RPA1: variants seen among roughly 807,000 people sequenced by gnomAD.
RPA1 encodes replication protein A 70 kDa DNA-binding subunit.
Under a neutral mutation model 83.0 loss-of-function variants are expected in RPA1, and 49 were observed. The ratio of observed to expected loss-of-function variants is 0.59; its 90% CI spans 0.47 to 0.75. RPA1 has a LOEUF of 0.75. RPA1 is among the 30% of genes least tolerant of loss of function. The pLI is 0.00. For synonymous variants in RPA1, 279 were observed against 281.8 expected (o/e 0.99, Z 0.10); for missense variants, 693 against 776.1 (o/e 0.89, Z 1.27).
intron 1 of RPA1, among the ~76,000 whole-genome samples, chr17:1,835,867 ACT>A (rs1886770655): frequency 6.6e-6 from 1 of 152,080 alleles, no homozygotes; most frequent in Non-Finnish European, 1.5e-5. Context: ...TCACATGTGT[ACT>A]CTCAGCACTT....
chr17:1,836,350 T>C (rs1911821773), intron 1 of RPA1, among the ~76,000 whole-genome samples: 1 of 152,056 alleles, frequency 6.6e-6, no homozygotes, highest in Non-Finnish European at 1.5e-5. Flanking sequence ...CCTCAGATGC[T>C]CCTCCTGCCT....
Position 1,877,329 on chromosome 17 carries a change from T to C in RPA1, c.690+15T>C, listed in dbSNP as rs745448338. 7 of 1,611,196 alleles carry C rather than the reference T, an allele frequency of 4.3e-6. No individual in the cohort carries two copies. The highest frequency in any genetic ancestry group is 5.9e-6 in the Non-Finnish European group (7 of 1,177,682). On this transcript the variant is annotated intron_variant, in intron 8 of 16. Transcript: ENST00000254719. ...TTGACGAAAGTGTGAGTGTTTGTCA[T>C]GCTGGGGAGTGAGGGCAGTGGGCTC... is the stretch of plus-strand genomic sequence containing the variant.
intron 4 of RPA1, among the ~76,000 whole-genome samples, chr17:1,846,286 A>G (rs1471612123): frequency 1.3e-5 from 1 of 77,488 alleles, no homozygotes. Context: ...GCCTGGTTTG[A>G]TTTCTTCCCT....
At chr17:1,853,462 C>T (rs551620196) in intron 5 of RPA1, among the ~76,000 whole-genome samples, 1 of 152,294 alleles carries the variant, frequency 6.6e-6, no homozygotes, top group East Asian at 1.9e-4. Context: ...GCAGGTAGAT[C>T]ACTTGACGTC....
chr17:1,842,712 T>C (rs1912099477), intron 1 of RPA1, 91 bp from the exon 2 acceptor site: 2 of 1,122,532 alleles, frequency 1.8e-6, no homozygotes, highest in Non-Finnish European at 2.7e-6. Context: ...AACAATCTTA[T>C]CTATATATTC....
intron 13 of RPA1, among the ~76,000 whole-genome samples, chr17:1,887,079 C>A (rs547925674): frequency 6.6e-6 from 1 of 152,222 alleles, no homozygotes; most frequent in East Asian, 1.9e-4. Flanking sequence ...CTATCTAGAC[C>A]ACTACAGCTT....
chr17:1,886,533 G>A (rs896192271), intron 13 of RPA1, among the ~76,000 whole-genome samples: 23 of 152,176 alleles, frequency 1.5e-4, no homozygotes, highest in African/African-American at 5.6e-4. Flanking sequence ...TTGAAAATCT[G>A]TTGTTGAGTG....
At chr17:1,838,463 C>T (rs889547735) in intron 1 of RPA1, among the ~76,000 whole-genome samples, 64 of 151,790 alleles carry the variant, frequency 4.2e-4, no homozygotes, top group Admixed American at 1.2e-3. Context: ...ATTAGCCGGG[C>T]GTGGTGGCGC....
intron 4 of RPA1, 85 bp downstream of exon 4, chr17:1,844,771 C>G (rs1912195989): frequency 1.0e-6 from 1 of 996,592 alleles, no homozygotes; most frequent in Admixed American, 2.2e-5. Flanking sequence ...GAGTTTTCAG[C>G]TAAGAATCTG....
chr17:1,877,654 T>C (rs1029724484), intron 8 of RPA1, among the ~76,000 whole-genome samples: 3 of 152,198 alleles, frequency 2.0e-5, no homozygotes, highest in South Asian at 4.1e-4. Flanking sequence ...AGTAGCCTCC[T>C]GGGCAGGAGA....
chr17:1,851,282 T>C (rs1049310686), intron 4 of RPA1, among the ~76,000 whole-genome samples: 8 of 152,192 alleles, frequency 5.3e-5, no homozygotes, highest in Non-Finnish European at 8.8e-5. Context: ...TGCGTGTGTG[T>C]GTGTGTGCCC....
At chr17:1,852,685 G>GT (rs1487222410) in intron 4 of RPA1, among the ~76,000 whole-genome samples, 3 of 152,186 alleles carry the variant, frequency 2.0e-5, no homozygotes, top group South Asian at 4.1e-4. Flanking sequence ...CAAAAGAACT[G>GT]TAAGTTCTTA....
intron 1 of RPA1, among the ~76,000 whole-genome samples, chr17:1,836,827 A>G (rs2151266954): frequency 7.7e-6 from 1 of 129,390 alleles, no homozygotes; most frequent in South Asian, 2.4e-4. Context: ...ACTCTTGGCT[A>G]ATTAAAAAAA....
intron 14 of RPA1, 71 bp from the exon 15 acceptor site, chr17:1,891,762 C>T (rs190170702): frequency 9.9e-7 from 1 of 1,009,176 alleles, no homozygotes; most frequent in African/African-American, 1.6e-5. Flanking sequence ...AGAACATTAA[C>T]CTCTCCCCAT....
rs17292538 is a variant in RPA1, at chr17:1,896,951, A to G, written c.1747-120A>G. The G allele has an allele frequency of 1.6e-3, 1,284 of 785,648 alleles. 14 individuals are homozygous for G. The African/African-American group carries it at 0.02, about 12-fold the overall frequency. The allele number at this position is 785,648 out of a possible 1,614,324, so 48.7% of individuals were successfully genotyped here. A position where few individuals can be genotyped will look rare whatever the true frequency, so the allele number is the denominator to read the frequency against. On this transcript the variant is annotated intron_variant, in intron 16 of 16. Transcript: ENST00000254719. ...GGCTGTCACTCACTGGAATGACTGA[A>G]CTCTGAACCCGTGCGTCTGTTCCCT...
At chr17:1,851,159 G>A (rs1912481131) in intron 4 of RPA1, among the ~76,000 whole-genome samples, 1 of 152,046 alleles carries the variant, frequency 6.6e-6, no homozygotes, top group Admixed American at 6.6e-5. Context: ...ATTTTAGTAT[G>A]TATTTTTGAA....
rs1914477585 is a variant in RPA1, at chr17:1,897,252, TC to T, written c.*80del. 8.9e-7 allele frequency: 1 copy of T among 1,120,040 alleles called. No homozygotes were observed. The highest frequency in any genetic ancestry group is 1.5e-5 in the African/African-American group (1 of 64,608). The allele number at this position is 1,120,040 out of a possible 1,614,324, so 69.4% of individuals were successfully genotyped here. ...ATTTCCTCCCACCTCCGTGTGACGA[TC>T]CCATGTTAGCTACACAGTGCAGAGG... On this transcript the variant is annotated 3_prime_UTR_variant, in exon 17 of 17. Coordinates refer to ENST00000254719, the MANE Select transcript of RPA1 (RefSeq NM_002945.5).
chr17:1,894,116 A>C (rs1597463056), intron 15 of RPA1, among the ~76,000 whole-genome samples: 1 of 132,178 alleles, frequency 7.6e-6, no homozygotes, highest in African/African-American at 2.9e-5. Flanking sequence ...CAGTCCTCCC[A>C]CCTCGGTCTC....
At chr17:1,874,023 A>ATC (rs1314754965) in intron 6 of RPA1, among the ~76,000 whole-genome samples, 4 of 119,702 alleles carry the variant, frequency 3.3e-5, no homozygotes, top group Admixed American at 1.8e-4. Flanking sequence ...ATATATATAT[A>ATC]TATATATATA....
Sources: gnomAD v4.1 joint callset for allele counts (sites outside exome capture counted in the v4.1 genomes callset) on GRCh38, gnomAD v4.1.1 for gene constraint, MANE v1.5 for transcripts, NCBI Gene and HGNC (gene_info 2026-07-23, HGNC 2026-07-21) for gene names.